Variants in ADGRL2 observed in about 807,000 individuals in gnomAD.
ADGRL2 encodes calcium-independent alpha-latrotoxin receptor 2.
In ADGRL2, 44 loss-of-function variants were observed where a neutral mutation model predicts 157.4. The ratio of observed to expected loss-of-function variants is 0.28; its 90% CI spans 0.22 to 0.36. ADGRL2 has a LOEUF of 0.36. Ranked by LOEUF, ADGRL2 falls within the 10% of genes least tolerant of loss-of-function variation. The pLI is 1.00. For synonymous variants in ADGRL2, 585 were observed against 624.7 expected, an observed-to-expected ratio of 0.94 and a Z score of 0.95; for missense variants, 1,510 against 1,768.9, an observed-to-expected ratio of 0.85 and a Z score of 2.63.
intron 2 of ADGRL2, chr1:81,761,953 G>A (rs1357007373): frequency 1.3e-5 from 2 of 151,930 alleles, no homozygotes; most frequent in Non-Finnish European, 2.9e-5. Flanking sequence ...AATGTATTGA[G>A]TCATCTGATA....
At chr1:81,462,945 T>A (rs1361504106) in intron 2 of ADGRL2, among the ~76,000 whole-genome samples, 1 of 151,492 alleles carries the variant, frequency 6.6e-6, no homozygotes, top group Non-Finnish European at 1.5e-5. Flanking sequence ...CAAAACCCAA[T>A]TTCTACAAAA....
chr1:81,572,017 T>C (rs894981865), intron 2 of ADGRL2, among the ~76,000 whole-genome samples: 3 of 152,144 alleles, frequency 2.0e-5, no homozygotes, highest in Non-Finnish European at 2.9e-5. Flanking sequence ...AAATAGTTAT[T>C]GAAAGATAAT....
intron 1 of ADGRL2, among the ~76,000 whole-genome samples, chr1:81,747,191 G>T (rs1175725152): frequency 7.2e-6 from 1 of 138,426 alleles, no homozygotes; most frequent in Non-Finnish European, 1.6e-5. Flanking sequence ...ATGTATGTGT[G>T]TATGCATGTA....
At chr1:81,614,137 C>A (rs1557506884) in intron 3 of ADGRL2, among the ~76,000 whole-genome samples, 1 of 152,188 alleles carries the variant, frequency 6.6e-6, no homozygotes, top group Non-Finnish European at 1.5e-5. Flanking sequence ...AAATTTCCTT[C>A]CTACTTCTAG....
intron 3 of ADGRL2, among the ~76,000 whole-genome samples, chr1:81,608,882 A>G (rs755027042): frequency 6.6e-6 from 1 of 151,904 alleles, no homozygotes; most frequent in Non-Finnish European, 1.5e-5. Context: ...TAAAATTACT[A>G]TTGAGCACCT....
chr1:81,925,656 G>A (rs923590576), intron 3 of ADGRL2, among the ~76,000 whole-genome samples: 6 of 151,090 alleles, frequency 4.0e-5, no homozygotes, highest in African/African-American at 9.7e-5. Flanking sequence ...ACAAAGATGC[G>A]TTTTTTAAAG....
intron 1 of ADGRL2, among the ~76,000 whole-genome samples, chr1:81,373,767 T>C (rs1172319603): frequency 6.6e-6 from 1 of 152,232 alleles, no homozygotes; most frequent in Non-Finnish European, 1.5e-5. Flanking sequence ...TAAATGTTTG[T>C]TTTCAACAAG....
At chr1:81,356,526 CTCT>C (rs1663301875) in intron 1 of ADGRL2, among the ~76,000 whole-genome samples, 2 of 152,008 alleles carry the variant, frequency 1.3e-5, no homozygotes, top group South Asian at 4.2e-4. Context: ...AGGTCTCATC[CTCT>C]TCTTTGTGAA....
At chr1:81,763,548 C>A (rs1160285043) in intron 2 of ADGRL2, among the ~76,000 whole-genome samples, 3 of 143,072 alleles carry the variant, frequency 2.1e-5, no homozygotes, top group Non-Finnish European at 4.5e-5. Flanking sequence ...AAGACTGCAC[C>A]ATTGCACTCC....
intron 2 of ADGRL2, among the ~76,000 whole-genome samples, chr1:81,856,675 CAA>C (rs1250315291): frequency 6.6e-6 from 1 of 151,916 alleles, no homozygotes; most frequent in Non-Finnish European, 1.5e-5. Flanking sequence ...ATAAGAAATA[CAA>C]GATAAATGGA....
At position 81,970,656 on chromosome 1, in the gene ADGRL2, G is replaced by A. The variant is rs1397850134; in HGVS notation, c.2954+122G>A. The A allele has an allele frequency of 4.5e-6, 3 of 664,070 alleles. No homozygotes were observed. In the South Asian group the frequency reaches 6.1e-5, roughly 14 times the overall value. 41.1% of individuals were successfully genotyped at this position (664,070 alleles called of 1,614,324 possible). On this transcript the variant is annotated intron_variant, in intron 16 of 23. Coordinates refer to ENST00000686636, the MANE Select transcript of ADGRL2 (RefSeq NM_001366006.2). The stretch of plus-strand genomic sequence containing the variant: ...CTGAAAGCTTTATTGGTAAGAGAAT[G>A]GGCATACCGTGCACAAATTACAATC...
At chr1:81,390,333 C>G (rs1463078526) in intron 1 of ADGRL2, among the ~76,000 whole-genome samples, 1 of 152,304 alleles carries the variant, frequency 6.6e-6, no homozygotes, top group African/African-American at 2.4e-5. Context: ...GTTCATTCTA[C>G]TGACTGAAGA....
At chr1:81,322,175 T>TATATAC (rs923111296) in intron 1 of ADGRL2, among the ~76,000 whole-genome samples, 5 of 149,316 alleles carry the variant, frequency 3.3e-5, no homozygotes, top group Admixed American at 6.8e-5. Context: ...TATGTACATG[T>TATATAC]ATATACATAT....
chr1:81,439,957 C>A (rs57293796), intron 1 of ADGRL2, among the ~76,000 whole-genome samples: 3,598 of 152,262 alleles, frequency 0.024, 70 homozygotes, highest in African/African-American at 0.042. Context: ...GCTGTCTGTT[C>A]CCCAAAGTCA....
chr1:81,401,756 C>T (rs147261579), intron 1 of ADGRL2, among the ~76,000 whole-genome samples: 297 of 152,204 alleles, frequency 2.0e-3, no homozygotes, highest in African/African-American at 6.4e-3. Flanking sequence ...TTCCAGATGC[C>T]TGTTCGAACT....
chr1:81,839,930 A>AAT (rs374383774), intron 2 of ADGRL2, among the ~76,000 whole-genome samples: 2,777 of 67,264 alleles, frequency 0.041, 211 homozygotes, highest in East Asian at 0.2. Flanking sequence ...TATATGATGG[A>AAT]ATATATATAT....
At chr1:81,482,407 A>G (rs1376529213) in intron 2 of ADGRL2, among the ~76,000 whole-genome samples, 1 of 152,172 alleles carries the variant, frequency 6.6e-6, no homozygotes, top group East Asian at 1.9e-4. Flanking sequence ...CTTAAAAAAA[A>G]TTATCTTTGC....
chr1:81,568,238 C>G (rs1375312007), intron 2 of ADGRL2, among the ~76,000 whole-genome samples: 1 of 152,078 alleles, frequency 6.6e-6, no homozygotes. Flanking sequence ...GGATCATTGT[C>G]TCTGAACTTT....
At chr1:81,319,928 G>C (rs948364775) in intron 1 of ADGRL2, among the ~76,000 whole-genome samples, 1 of 152,100 alleles carries the variant, frequency 6.6e-6, no homozygotes, top group Non-Finnish European at 1.5e-5. Flanking sequence ...TTGTTGCATT[G>C]ATTGACTTTT....
Sources: gnomAD v4.1 joint callset for allele counts (sites outside exome capture counted in the v4.1 genomes callset) on GRCh38, gnomAD v4.1.1 for gene constraint, MANE v1.5 for transcripts, NCBI Gene and HGNC (gene_info 2026-07-23, HGNC 2026-07-21) for gene names.